The following FOXO3 variants were observed in gnomAD, a reference collection of about 807,000 sequenced individuals.
FOXO3 encodes forkhead box O3, also known as forkhead box protein O3.
A neutral mutation model predicts 41.9 loss-of-function variants in FOXO3; 4 were observed. The ratio of observed to expected loss-of-function variants is 0.10; its 90% CI spans 0.05 to 0.22. The LOEUF (loss-of-function observed/expected upper bound fraction) is 0.22. FOXO3 is among the 10% of genes least tolerant of loss of function. FOXO3 has a pLI of 1.00. For synonymous variants in FOXO3, 318 were observed against 389.3 expected (o/e 0.82, Z 2.16); for missense variants, 534 against 906.8 (o/e 0.59, Z 5.28).
At chr6:108,627,148 GA>G (rs1343440628) in intron 1 of FOXO3, among the ~76,000 whole-genome samples, 2 of 152,180 alleles carry the variant, frequency 1.3e-5, no homozygotes, top group African/African-American at 2.4e-5. Context: ...TAAGGATTCT[GA>G]TCTTATGTGA....
intron 1 of FOXO3, among the ~76,000 whole-genome samples, chr6:108,610,681 G>A (rs891555492): frequency 4.6e-5 from 7 of 152,174 alleles, no homozygotes; most frequent in Non-Finnish European, 7.4e-5. Context: ...TTTTCCTATC[G>A]CCCACACCTT....
At chr6:108,644,348 G>A (rs1778338384) in intron 1 of FOXO3, among the ~76,000 whole-genome samples, 1 of 152,154 alleles carries the variant, frequency 6.6e-6, no homozygotes, top group African/African-American at 2.4e-5. Flanking sequence ...ATAAATGTTA[G>A]CGTTTTTATT....
chr6:108,661,047 G>A (rs1355313340), intron 1 of FOXO3, among the ~76,000 whole-genome samples: 4 of 151,924 alleles, frequency 2.6e-5, no homozygotes, highest in Non-Finnish European at 4.4e-5. Context: ...GCAACAGAGC[G>A]AGACTCTATC....
chr6:108,595,385 T>C (rs1400717699), intron 1 of FOXO3, among the ~76,000 whole-genome samples: 2 of 152,260 alleles, frequency 1.3e-5, no homozygotes, highest in Non-Finnish European at 2.9e-5. Context: ...AGAAAAAGTT[T>C]GGGGCTTATG....
chr6:108,650,806 GAAATGTCCT>G (rs973693992), intron 1 of FOXO3, among the ~76,000 whole-genome samples: 1 of 152,142 alleles, frequency 6.6e-6, no homozygotes, highest in African/African-American at 2.4e-5. Flanking sequence ...TTAGTTACTG[GAAATGTCCT>G]TTCTTTATTT....
intron 1 of FOXO3, among the ~76,000 whole-genome samples, chr6:108,600,266 C>T (rs1777009412): frequency 6.6e-6 from 1 of 151,922 alleles, no homozygotes; most frequent in South Asian, 2.1e-4. Context: ...ATGTGTGGGC[C>T]AGGTATGGTG....
At chr6:108,599,365 G>C (rs1776980391) in intron 1 of FOXO3, among the ~76,000 whole-genome samples, 1 of 152,212 alleles carries the variant, frequency 6.6e-6, no homozygotes, top group Non-Finnish European at 1.5e-5. Flanking sequence ...TGTTGTATAT[G>C]TGTGTAGTTT....
intron 1 of FOXO3, among the ~76,000 whole-genome samples, chr6:108,582,680 C>G (rs1301409559): frequency 1.3e-5 from 2 of 151,248 alleles, no homozygotes; most frequent in East Asian, 3.9e-4. Flanking sequence ...TTAGGGCAGA[C>G]TTTGAGTATT....
intron 1 of FOXO3, among the ~76,000 whole-genome samples, chr6:108,588,603 C>T (rs1776649975): frequency 6.6e-6 from 1 of 152,204 alleles, no homozygotes; most frequent in African/African-American, 2.4e-5. Context: ...GATTCCTTCT[C>T]ACTCCCCAAA....
At chr6:108,594,161 C>T (rs1488098733) in intron 1 of FOXO3, among the ~76,000 whole-genome samples, 3 of 152,098 alleles carry the variant, frequency 2.0e-5, no homozygotes, top group Non-Finnish European at 2.9e-5. Flanking sequence ...TTTTTCCCTC[C>T]CCCAAAAGTT....
At chr6:108,619,155 G>A (rs962213072) in intron 1 of FOXO3, among the ~76,000 whole-genome samples, 11 of 152,274 alleles carry the variant, frequency 7.2e-5, no homozygotes, top group African/African-American at 2.6e-4. Context: ...GCCAAAATCT[G>A]CTACTATATT....
rs1770832852 is a variant in FOXO3 at position 108,681,140 on chromosome 6, G to T, written c.*1348G>T. On this transcript the variant is annotated 3_prime_UTR_variant, in exon 3 of 3. Coordinates refer to ENST00000406360, the MANE Select transcript of FOXO3 (RefSeq NM_001455.4). ...AGGTGCTTTCTGTTTAACCTGGAAAGTGTGATTATATTCGTTACCTTCTTT... is the reference window on the plus strand; with the variant it reads ...AGGTGCTTTCTGTTTAACCTGGAAATTGTGATTATATTCGTTACCTTCTTT... The T allele has an allele frequency of 6.5e-6, 1 of 152,758 alleles. No homozygotes were observed. The highest frequency in any genetic ancestry group is 1.5e-5 in the Non-Finnish European group (1 of 68,034). The allele number at this position is 152,758 out of a possible 1,614,324, so 9.5% of individuals were successfully genotyped here.
intron 1 of FOXO3, among the ~76,000 whole-genome samples, chr6:108,661,017 G>A (rs1778829544): frequency 2.0e-5 from 3 of 152,026 alleles, no homozygotes; most frequent in African/African-American, 4.8e-5. Context: ...CCGAGATCAC[G>A]CCACTGCACT....
upstream of FOXO3, among the ~76,000 whole-genome samples, chr6:108,560,338 C>T (rs987145715): frequency 6.6e-6 from 1 of 152,216 alleles, no homozygotes; most frequent in Non-Finnish European, 1.5e-5. Context: ...GGACGACGTC[C>T]GCGAGAATGC....
chr6:108,629,659 C>CT (rs952156819), intron 1 of FOXO3, among the ~76,000 whole-genome samples: 2 of 151,768 alleles, frequency 1.3e-5, no homozygotes, highest in Non-Finnish European at 2.9e-5. Flanking sequence ...ATTTTATAAT[C>CT]TTTTTTTTAA....
intron 1 of FOXO3, among the ~76,000 whole-genome samples, chr6:108,640,942 C>T (rs1431767406): frequency 1.3e-5 from 2 of 152,092 alleles, no homozygotes; most frequent in Non-Finnish European, 2.9e-5. Context: ...GAGACAGAGT[C>T]CCACTCTGTC....
chr6:108,606,759 A>G (rs766799498), intron 1 of FOXO3, among the ~76,000 whole-genome samples: 1 of 152,198 alleles, frequency 6.6e-6, no homozygotes, highest in Non-Finnish European at 1.5e-5. Flanking sequence ...GATCACCTTT[A>G]GCACATGCTA....
chr6:108,569,595 G>A (rs1776035958), intron 1 of FOXO3, among the ~76,000 whole-genome samples: 1 of 152,154 alleles, frequency 6.6e-6, no homozygotes, highest in Admixed American at 6.5e-5. Flanking sequence ...AACATAATAA[G>A]CGAAGAGGAT....
At chr6:108,578,063 T>C (rs1776310483) in intron 1 of FOXO3, among the ~76,000 whole-genome samples, 1 of 152,376 alleles carries the variant, frequency 6.6e-6, no homozygotes, top group African/African-American at 2.4e-5. Context: ...AACTTACTGT[T>C]CTTTTGTGCA....
Sources: allele counts gnomAD v4.1 joint callset (sites outside exome capture counted in the v4.1 genomes callset), GRCh38; gene constraint gnomAD v4.1.1; transcripts MANE v1.5; gene names NCBI Gene and HGNC (gene_info 2026-07-23, HGNC 2026-07-21).